Variants in CHODL observed in about 807,000 individuals in gnomAD.
CHODL encodes the protein transmembrane protein MT75.
A neutral mutation model predicts 34.5 loss-of-function variants in CHODL; 29 were observed. That is an observed-to-expected ratio of 0.84 (90% CI 0.63 to 1.15). The LOEUF (loss-of-function observed/expected upper bound fraction) is 1.15. Ranked by LOEUF, CHODL falls within the 50% of genes most tolerant of loss-of-function variation. CHODL has a pLI of 0.00. For missense variants in CHODL, 332 were observed against 332.5 expected, an observed-to-expected ratio of 1.00 and a Z score of 0.01; for synonymous variants, 125 against 116.1, an observed-to-expected ratio of 1.08 and a Z score of -0.49.
chr21:18,225,278 A>T (rs2073920924), intron 2 of CHODL, among the ~76,000 whole-genome samples: 1 of 152,172 alleles, frequency 6.6e-6, no homozygotes, highest in Non-Finnish European at 1.5e-5. Context: ...TTAGCTGAAA[A>T]TGTAACCATT....
At chr21:18,243,767 G>T (rs1662574746), upstream of CHODL, among the ~76,000 whole-genome samples, 1 of 152,084 alleles carries the variant, frequency 6.6e-6, no homozygotes, top group South Asian at 2.1e-4. Context: ...TGTCCTTATT[G>T]TATCAGTATT....
chr21:18,189,253 A>G (rs2073481917), intron 2 of CHODL, among the ~76,000 whole-genome samples: 1 of 152,210 alleles, frequency 6.6e-6, no homozygotes. Flanking sequence ...ACATTTATAA[A>G]GTTTTGTTCA....
At chr21:17,937,212 TG>T (rs1367123394) in intron 1 of CHODL, among the ~76,000 whole-genome samples, 2 of 151,836 alleles carry the variant, frequency 1.3e-5, no homozygotes, top group African/African-American at 4.8e-5. Context: ...CTAAAGTCAG[TG>T]AAGTTATCTG....
intron 2 of CHODL, among the ~76,000 whole-genome samples, chr21:18,088,612 G>A (rs2065036279): frequency 6.6e-6 from 1 of 152,144 alleles, no homozygotes; most frequent in Admixed American, 6.5e-5. Flanking sequence ...CTGGCTATCT[G>A]TCAATTTCCA....
intron 1 of CHODL, among the ~76,000 whole-genome samples, chr21:18,254,133 G>A (rs1431476129): frequency 7.2e-6 from 1 of 138,680 alleles, no homozygotes; most frequent in Non-Finnish European, 1.5e-5. Flanking sequence ...AAGTTTGAAT[G>A]CTTTTTTTTT....
chr21:18,001,628 T>G (rs773036388), intron 1 of CHODL, among the ~76,000 whole-genome samples: 4 of 152,208 alleles, frequency 2.6e-5, no homozygotes, highest in African/African-American at 9.6e-5. Flanking sequence ...ATATGTTGCT[T>G]CTTCGTGAGT....
At chr21:18,175,463 T>G (rs1172823307) in intron 2 of CHODL, among the ~76,000 whole-genome samples, 2 of 151,888 alleles carry the variant, frequency 1.3e-5, no homozygotes, top group Admixed American at 6.6e-5. Context: ...CGTGGTGGTG[T>G]GTGCCTATAA....
chr21:18,143,428 G>C (rs934116316), intron 2 of CHODL, among the ~76,000 whole-genome samples: 1 of 152,030 alleles, frequency 6.6e-6, no homozygotes, highest in Non-Finnish European at 1.5e-5. Flanking sequence ...TTTTTATACA[G>C]AGAGATTAAT....
intron 1 of CHODL, among the ~76,000 whole-genome samples, chr21:17,947,268 A>G (rs918908359): frequency 6.6e-6 from 1 of 152,168 alleles, no homozygotes; most frequent in Non-Finnish European, 1.5e-5. Context: ...CCAACAGGTC[A>G]ATGAAGATAT....
chr21:17,957,879 C>T (rs2063504426), intron 1 of CHODL, among the ~76,000 whole-genome samples: 2 of 151,332 alleles, frequency 1.3e-5, no homozygotes, highest in Admixed American at 6.6e-5. Context: ...ACCTTTTAGG[C>T]AGCCTTTTTT....
At chr21:17,988,466 T>C (rs1473635302) in intron 1 of CHODL, among the ~76,000 whole-genome samples, 22 of 144,300 alleles carry the variant, frequency 1.5e-4, no homozygotes, top group African/African-American at 5.2e-4. Context: ...GTTACATATG[T>C]ATACATGTGC....
chr21:18,065,593 C>G (rs1283644902), intron 2 of CHODL, among the ~76,000 whole-genome samples: 1 of 152,132 alleles, frequency 6.6e-6, no homozygotes, highest in Non-Finnish European at 1.5e-5. Flanking sequence ...AGATTGCAAT[C>G]AAGTTGCTGA....
chr21:18,231,036 G>A (rs1016063227), intron 2 of CHODL, among the ~76,000 whole-genome samples: 30 of 151,922 alleles, frequency 2.0e-4, no homozygotes, highest in Non-Finnish European at 4.0e-4. Context: ...ATGTAGCCCC[G>A]ACCATGGGCG....
chr21:18,148,520 G>GCA (rs938142404), intron 2 of CHODL, among the ~76,000 whole-genome samples: 3 of 152,006 alleles, frequency 2.0e-5, no homozygotes, highest in East Asian at 1.9e-4. Context: ...ATGTACTTAT[G>GCA]CACACACACA....
chr21:18,207,532 G>A (rs994637803), intron 2 of CHODL, among the ~76,000 whole-genome samples: 1 of 151,782 alleles, frequency 6.6e-6, no homozygotes, highest in African/African-American at 2.4e-5. Context: ...GTTTTCCTGT[G>A]TACTTACTGG....
intron 1 of CHODL, among the ~76,000 whole-genome samples, chr21:17,973,986 T>A (rs2063640761): frequency 6.6e-6 from 1 of 152,130 alleles, no homozygotes; most frequent in South Asian, 2.1e-4. Flanking sequence ...AAATCCAGAT[T>A]AAATTAATGT....
At chr21:18,003,090 C>G (rs1025473285) in intron 1 of CHODL, among the ~76,000 whole-genome samples, 2 of 149,254 alleles carry the variant, frequency 1.3e-5, no homozygotes, top group Admixed American at 1.3e-4. Context: ...CGCCACTGCA[C>G]TCCAGCCTGG....
chr21:17,995,336 C>T (rs1444908503), intron 1 of CHODL, among the ~76,000 whole-genome samples: 3 of 152,182 alleles, frequency 2.0e-5, no homozygotes, highest in Non-Finnish European at 4.4e-5. Flanking sequence ...GCTAGGATTA[C>T]AGGAGTCTGC....
intron 2 of CHODL, among the ~76,000 whole-genome samples, chr21:18,048,470 G>A (rs1052185063): frequency 2.1e-4 from 32 of 151,822 alleles, no homozygotes; most frequent in African/African-American, 7.2e-4. Flanking sequence ...ATCTTGTTCG[G>A]TGCATAGTTT....
Sources: gnomAD v4.1 joint callset for allele counts (sites outside exome capture counted in the v4.1 genomes callset) on GRCh38, gnomAD v4.1.1 for gene constraint, MANE v1.5 for transcripts, NCBI Gene and HGNC (gene_info 2026-07-23, HGNC 2026-07-21) for gene names.